DTNB: variants seen among roughly 807,000 people sequenced by gnomAD.
The protein encoded by DTNB is dystrobrevin beta.
In DTNB, 63 loss-of-function variants were observed where a neutral mutation model predicts 90.7. That is an observed-to-expected ratio of 0.69 (90% confidence interval 0.57 to 0.86). DTNB has a LOEUF of 0.86. Among genes scored for constraint, DTNB ranks in the 40% least tolerant of loss-of-function variants. The pLI, the probability that DTNB is intolerant of heterozygous loss-of-function variation, is 0.00. For synonymous variants in DTNB, 277 were observed against 286.7 expected, an observed-to-expected ratio of 0.97 and a Z score of 0.34; for missense variants, 744 against 807.1, an observed-to-expected ratio of 0.92 and a Z score of 0.95.
chr2:25,389,005 C>G (rs2040347107), intron 16 of DTNB, among the ~76,000 whole-genome samples: 1 of 152,098 alleles, frequency 6.6e-6, no homozygotes, highest in African/African-American at 2.4e-5. Flanking sequence ...CGCCACCACG[C>G]TGGGCTAATT....
At chr2:25,502,351 C>T (rs1000853231) in intron 9 of DTNB, among the ~76,000 whole-genome samples, 1 of 152,132 alleles carries the variant, frequency 6.6e-6, no homozygotes, top group Non-Finnish European at 1.5e-5. Flanking sequence ...GAGAAAACAA[C>T]TTTGGCTGGA....
intron 16 of DTNB, among the ~76,000 whole-genome samples, chr2:25,407,355 T>C (rs1368443109): frequency 6.6e-6 from 1 of 152,056 alleles, no homozygotes; most frequent in Non-Finnish European, 1.5e-5. Flanking sequence ...CTATGGAAAA[T>C]AGGATGGAGA....
intron 4 of DTNB, among the ~76,000 whole-genome samples, chr2:25,615,372 G>C (rs2148596912): frequency 6.6e-6 from 1 of 152,198 alleles, no homozygotes; most frequent in African/African-American, 2.4e-5. Flanking sequence ...TCTGCCTTCA[G>C]CCCCTCTTCC....
At chr2:25,490,351 A>G (rs1318771401) in intron 9 of DTNB, among the ~76,000 whole-genome samples, 1 of 152,132 alleles carries the variant, frequency 6.6e-6, no homozygotes, top group African/African-American at 2.4e-5. Flanking sequence ...AATCCTTAAG[A>G]GTGGAGACGG....
chr2:25,437,930 C>T (rs2056377109), intron 12 of DTNB, among the ~76,000 whole-genome samples: 1 of 152,060 alleles, frequency 6.6e-6, no homozygotes. Flanking sequence ...TAGACATCAG[C>T]AGGGATAATG....
chr2:25,427,747 G>A, intron 14 of DTNB, 116 bp from the exon 15 acceptor site: 3 of 921,390 alleles, frequency 3.3e-6, no homozygotes, highest in South Asian at 3.3e-5. Context: ...CGCTGAGCAA[G>A]TCATTTAGCA....
intron 4 of DTNB, among the ~76,000 whole-genome samples, chr2:25,608,790 A>C (rs376871456): frequency 1.1e-4 from 17 of 152,204 alleles, no homozygotes; most frequent in African/African-American, 3.4e-4. Context: ...GGAAAAAAAA[A>C]CATATATTTG....
intron 8 of DTNB, among the ~76,000 whole-genome samples, chr2:25,543,827 T>C (rs941751163): frequency 5.9e-5 from 9 of 152,240 alleles, no homozygotes; most frequent in Non-Finnish European, 1.2e-4. Flanking sequence ...ACTTTTGTTG[T>C]TGCTGTTGTT....
intron 3 of DTNB, among the ~76,000 whole-genome samples, chr2:25,631,573 CAAAA>C (rs762603520): frequency 2.3e-5 from 2 of 86,176 alleles, no homozygotes; most frequent in Admixed American, 1.3e-4. Context: ...ACCCTGTGGT[CAAAA>C]AAAAAAAAAG....
chr2:25,395,046 G>A (rs1287870070), intron 16 of DTNB, among the ~76,000 whole-genome samples: 1 of 152,160 alleles, frequency 6.6e-6, no homozygotes, highest in South Asian at 2.1e-4. Context: ...ATACTACTCA[G>A]CTATAAAAAA....
At chr2:25,385,976 G>C (rs1324001580) in intron 18 of DTNB, 1 of 970,764 alleles carries the variant, frequency 1.0e-6, no homozygotes, top group East Asian at 1.1e-4. Flanking sequence ...CTAAAAGTGG[G>C]ATTTCTGACA....
At chr2:25,455,210 G>A (rs1458326047) in intron 11 of DTNB, among the ~76,000 whole-genome samples, 195 bp downstream of exon 11, 6 of 152,174 alleles carry the variant, frequency 3.9e-5, no homozygotes, top group Non-Finnish European at 7.3e-5. Flanking sequence ...TTAGGTCAGC[G>A]CCCAGGCTTG....
At chr2:25,453,722 G>A (rs1574659907) in intron 11 of DTNB, among the ~76,000 whole-genome samples, 1 of 152,218 alleles carries the variant, frequency 6.6e-6, no homozygotes, top group Non-Finnish European at 1.5e-5. Context: ...TAGAGACCAA[G>A]AGGCTGGGAC....
chr2:25,408,242 G>A (rs867116942), intron 16 of DTNB, among the ~76,000 whole-genome samples: 30 of 152,204 alleles, frequency 2.0e-4, no homozygotes, highest in Middle Eastern at 3.4e-3. Flanking sequence ...CTGGGAGGTG[G>A]AGGCTGCGGT....
intron 10 of DTNB, among the ~76,000 whole-genome samples, chr2:25,473,509 A>G (rs1290917269): frequency 6.6e-6 from 1 of 152,166 alleles, no homozygotes; most frequent in Non-Finnish European, 1.5e-5. Context: ...TCAGAAAGAG[A>G]GACAGACAGA....
intron 10 of DTNB, among the ~76,000 whole-genome samples, chr2:25,472,522 G>A (rs190659586): frequency 3.9e-4 from 59 of 152,282 alleles, no homozygotes; most frequent in Non-Finnish European, 6.2e-4. Context: ...AAGAATGGGG[G>A]TTTTAGCTTG....
chr2:25,400,839 A>G (rs2043526205), intron 16 of DTNB, among the ~76,000 whole-genome samples: 1 of 152,240 alleles, frequency 6.6e-6, no homozygotes, highest in South Asian at 2.1e-4. Context: ...GGTCCCTTGT[A>G]TAACAGTTGG....
rs898866135 is a variant in DTNB, at chr2:25,514,254, G to A, written c.1001+17219C>T. 2.6e-5 allele frequency among the ~76,000 whole-genome samples: 4 copies of A among 152,154 alleles called. No individual in the cohort carries two copies. In the East Asian group the frequency reaches 5.8e-4, roughly 22 times the overall value. ...AACAAATAAGCCATGTGAGTATGAG[G>A]ATGAGGGGCACATCAGGCAAAGGAA... On this transcript the variant is annotated intron_variant, in intron 9 of 20. Transcript: ENST00000406818.
In DTNB at chr2:25,596,122, G is replaced by A. The variant is rs2064569848; in HGVS notation, c.567C>T (p.Tyr189=). ...AACAGGTGCGGACTGAGTGCTCTGT[G>A]TAACCAAAAGATGGCCCTTCAAAGA... ...TAVFEGPSFG[Y]TEHSVRTCFP... The change falls in exon 6 of 21, where the codon TAC becomes TAT. Residue 189 remains tyrosine, a synonymous_variant. Coordinates refer to ENST00000406818, the MANE Select transcript of DTNB (RefSeq NM_021907.5). 1 of 1,613,182 alleles carries A rather than the reference G, an allele frequency of 6.2e-7. No individual in the cohort carries two copies. The highest frequency in any genetic ancestry group is 1.3e-5 in the African/African-American group (1 of 74,964).
Sources: gnomAD v4.1 joint callset for allele counts (sites outside exome capture counted in the v4.1 genomes callset) on GRCh38, gnomAD v4.1.1 for gene constraint, MANE v1.5 for transcripts, NCBI Gene and HGNC (gene_info 2026-07-23, HGNC 2026-07-21) for gene names.